Variants in GFRA2 observed in about 807,000 individuals in gnomAD.
GFRA2 encodes the protein GDNF family receptor alpha 2.
In GFRA2, 17 loss-of-function variants were observed where a neutral mutation model predicts 48.3. That is an observed-to-expected ratio of 0.35 (90% CI 0.24 to 0.53). The LOEUF is 0.53. Ranked by LOEUF, GFRA2 falls within the 20% of genes least tolerant of loss-of-function variation. The pLI is 0.93. For synonymous variants in GFRA2, 305 were observed against 257.2 expected (o/e 1.19, Z -1.78); for missense variants, 660 against 637.3 (o/e 1.04, Z -0.38).
At chr8:21,802,438 T>C (rs771578758) in intron 2 of GFRA2, among the ~76,000 whole-genome samples, 345 of 152,300 alleles carry the variant, frequency 2.3e-3, no homozygotes, top group Non-Finnish European at 4.1e-3. Flanking sequence ...CACTATAGCC[T>C]TGACCTCCCA....
chr8:21,783,219 A>G (rs1269204257), intron 1 of GFRA2: 5 of 503,984 alleles, frequency 9.9e-6, no homozygotes, highest in Non-Finnish European at 1.5e-5. Flanking sequence ...CCCAGAGGAG[A>G]ATGTCACAGC....
At chr8:21,767,022 TACAC>T (rs1293267374) in intron 3 of GFRA2, among the ~76,000 whole-genome samples, 1 of 83,536 alleles carries the variant, frequency 1.2e-5, no homozygotes, top group African/African-American at 4.6e-5. Flanking sequence ...GCACATATAT[TACAC>T]ACACTGCCAT....
chr8:21,751,883 G>A (rs1215450864), intron 3 of GFRA2, among the ~76,000 whole-genome samples: 3 of 152,150 alleles, frequency 2.0e-5, no homozygotes, highest in South Asian at 2.1e-4. Context: ...GCCCACTCTG[G>A]AAGAGCTCAC....
intron 4 of GFRA2, among the ~76,000 whole-genome samples, chr8:21,732,103 C>T (rs1804226667): frequency 6.6e-6 from 1 of 152,256 alleles, no homozygotes; most frequent in African/African-American, 2.4e-5. Flanking sequence ...GGGCCAAGAG[C>T]TCCTGGCGTC....
At chr8:21,806,889 GTCA>G (rs1374046391) in intron 1 of GFRA2, among the ~76,000 whole-genome samples, 1 of 152,162 alleles carries the variant, frequency 6.6e-6, no homozygotes, top group Non-Finnish European at 1.5e-5. Flanking sequence ...ATAATGATAT[GTCA>G]TCATATTTTC....
intron 7 of GFRA2, among the ~76,000 whole-genome samples, chr8:21,695,285 C>CAAG (rs1359443521): frequency 6.6e-6 from 1 of 152,148 alleles, no homozygotes; most frequent in Non-Finnish European, 1.5e-5. Flanking sequence ...AATGGAGATC[C>CAAG]ATGGGAACCA....
intron 3 of GFRA2, among the ~76,000 whole-genome samples, chr8:21,768,835 G>C (rs1806305115): frequency 6.6e-6 from 1 of 152,126 alleles, no homozygotes; most frequent in African/African-American, 2.4e-5. Context: ...GAGCACCCCA[G>C]AGAGGCCACT....
chr8:21,810,790 A>C (rs1431060803), intron 1 of GFRA2, among the ~76,000 whole-genome samples: 1 of 152,152 alleles, frequency 6.6e-6, no homozygotes, highest in Non-Finnish European at 1.5e-5. Context: ...TGAGGTGGGC[A>C]CTGAGGTGTA....
At chr8:21,740,897 A>C (rs1171251155) in intron 4 of GFRA2, among the ~76,000 whole-genome samples, 2 of 152,220 alleles carry the variant, frequency 1.3e-5, no homozygotes, top group Non-Finnish European at 2.9e-5. Flanking sequence ...CCCTCAGGCC[A>C]CAGACCAGGT....
intron 7 of GFRA2, 45 bp downstream of exon 7, chr8:21,702,760 C>T: frequency 6.6e-7 from 1 of 1,518,248 alleles, no homozygotes; most frequent in Non-Finnish European, 8.8e-7. Context: ...CATGCCACTT[C>T]CGGTGCCATG....
intron 3 of GFRA2, among the ~76,000 whole-genome samples, chr8:21,754,692 A>G (rs998962925): frequency 6.6e-6 from 1 of 151,960 alleles, no homozygotes; most frequent in Non-Finnish European, 1.5e-5. Flanking sequence ...TATTTTTAGA[A>G]GAGACAGGGT....
chr8:21,784,599 G>T (rs796855313), intron 1 of GFRA2, among the ~76,000 whole-genome samples: 1 of 152,118 alleles, frequency 6.6e-6, no homozygotes, highest in Admixed American at 6.5e-5. Context: ...ATCCACTCCC[G>T]GTGGGACCAG....
intron 4 of GFRA2, among the ~76,000 whole-genome samples, chr8:21,741,722 G>C (rs911631519): frequency 1.9e-4 from 29 of 152,078 alleles, no homozygotes; most frequent in Admixed American, 3.3e-4. Flanking sequence ...AGGAGTTCAA[G>C]ACCAGCCTGG....
At chr8:21,739,948 T>TTAGCCA (rs1369770193) in intron 4 of GFRA2, among the ~76,000 whole-genome samples, 3 of 152,230 alleles carry the variant, frequency 2.0e-5, no homozygotes, top group African/African-American at 4.8e-5. Flanking sequence ...AAGGACTCTT[T>TTAGCCA]TAGCCATAGC....
At chr8:21,790,982 C>A (rs1382488526), upstream of GFRA2, among the ~76,000 whole-genome samples, 2 of 152,112 alleles carry the variant, frequency 1.3e-5, no homozygotes, top group Non-Finnish European at 2.9e-5. Context: ...TCCTCGACTT[C>A]CAGGGTCTTC....
chr8:21,717,633 G>C (rs62492242), intron 4 of GFRA2, among the ~76,000 whole-genome samples: 12 of 152,034 alleles, frequency 7.9e-5, no homozygotes, highest in Admixed American at 7.9e-4. Context: ...AAAATGTTAC[G>C]GGTTCTGGAA....
intron 5 of GFRA2, 49 bp downstream of exon 5, chr8:21,705,883 A>T: frequency 7.8e-7 from 1 of 1,278,552 alleles, no homozygotes; most frequent in Non-Finnish European, 1.1e-6. Context: ...CCCTGCTGAG[A>T]TGGGGGCAGC....
intron 4 of GFRA2, among the ~76,000 whole-genome samples, chr8:21,732,957 G>T (rs1804269609): frequency 6.6e-6 from 1 of 152,192 alleles, no homozygotes; most frequent in Non-Finnish European, 1.5e-5. Context: ...GGGGTGCCAA[G>T]AAAGGCCACT....
chr8:21,801,265 G>C (rs1185249749), intron 2 of GFRA2, among the ~76,000 whole-genome samples: 2 of 152,118 alleles, frequency 1.3e-5, no homozygotes, highest in South Asian at 2.1e-4. Context: ...TTCTCAATGA[G>C]AGTCACCCCT....
Sources: gnomAD v4.1 joint callset for allele counts (sites outside exome capture counted in the v4.1 genomes callset) on GRCh38, gnomAD v4.1.1 for gene constraint, MANE v1.5 for transcripts, NCBI Gene and HGNC (gene_info 2026-07-23, HGNC 2026-07-21) for gene names.